Variants in IL4I1 observed in about 807,000 individuals in gnomAD.
IL4I1 encodes the protein L-amino-acid oxidase.
A neutral mutation model predicts 29.7 loss-of-function variants in IL4I1; 24 were observed. The observed-to-expected ratio is 0.81, with a 90% confidence interval of 0.59 to 1.14. The LOEUF (loss-of-function observed/expected upper bound fraction) is 1.14. Ranked by LOEUF, IL4I1 falls within the 50% of genes most tolerant of loss-of-function variation. The pLI, the probability that IL4I1 is intolerant of heterozygous loss-of-function variation, is 0.00. For missense variants in IL4I1, 686 were observed against 785.6 expected (o/e 0.87, Z 1.52); for synonymous variants, 371 against 352.5 (o/e 1.05, Z -0.59).
At position 49,921,789 on chromosome 19, in the gene IL4I1, G is replaced by C. The variant is rs1488296998; in HGVS notation, c.-228+5905C>G. On this transcript the variant is annotated intron_variant, in intron 2 of 9. Transcript: ENST00000341114. This position sits in a 1 kb window ranked among gnomAD's most constrained non-coding sequence, Gnocchi z 5.4. ...CCGACCATGACCATCCATCCTATGA[G>C]TGCTGGCTGGGCTCAAGCCCGGGTA... Among the ~76,000 whole-genome samples the C allele has an allele frequency of 6.6e-6, 1 of 152,192 alleles. No homozygotes were observed. The highest frequency in any genetic ancestry group is 2.4e-5 in the African/African-American group (1 of 41,444).
At position 49,891,490 on chromosome 19, in the gene IL4I1, A is replaced by G. The variant is rs1170474557; in HGVS notation, c.568-17T>C. On this transcript the variant is annotated splice_polypyrimidine_tract_variant and intron_variant, in intron 5 of 7. Coordinates refer to ENST00000391826, the MANE Select transcript of IL4I1 (RefSeq NM_152899.2). ...TTTGAGGGCCTGTTGTGGAAGAAGC[A>G]GACATGGTGCTGAGCTGCCCGGGCA... 6.2e-7 allele frequency: 1 copy of G among 1,613,478 alleles called. No individual in the cohort carries two copies. The highest frequency in any genetic ancestry group is 1.3e-5 in the African/African-American group (1 of 75,030).
intron 5 of IL4I1, among the ~76,000 whole-genome samples, chr19:49,893,097 T>C (rs1404678804): frequency 1.3e-5 from 2 of 151,762 alleles, no homozygotes; most frequent in Non-Finnish European, 2.9e-5. Context: ...GAAAAGAGCA[T>C]GAGGCTGGAG....
Position 49,889,792 on chromosome 19 carries a change from C to T in IL4I1, c.1582G>A (p.Gly528Arg), listed in dbSNP as rs746351774. The change falls in exon 8 of 8, where the codon GGG (glycine) becomes AGG (arginine). Residue 528 changes from glycine to arginine, a missense_variant. Physicochemically the swap from Gly to Arg is moderately radical, Grantham distance 125. Coordinates refer to ENST00000391826, the MANE Select transcript of IL4I1 (RefSeq NM_152899.2). ...CTGCTGGCCACCCCATGCACATGCC[C>T]CTGCCCCTCCATGTCAGATGCGTGC... ...EGHASDMEGQGHVHGVASSPS... is the reference protein window; with the variant it reads ...EGHASDMEGQRHVHGVASSPS... 3 of 1,540,860 alleles carry T rather than the reference C, an allele frequency of 1.9e-6. No homozygotes were observed. The highest frequency in any genetic ancestry group is 2.6e-6 in the Non-Finnish European group (3 of 1,143,638).
At chr19:49,926,465 G>A (rs1369829682) in intron 2 of IL4I1, among the ~76,000 whole-genome samples, 1 of 152,262 alleles carries the variant, frequency 6.6e-6, no homozygotes, top group Non-Finnish European at 1.5e-5. Context: ...GGGAAGTGGA[G>A]GTTGAAGTGA....
At chr19:49,901,593 C>T (rs1339929815), upstream of IL4I1, 9 of 1,342,942 alleles carry the variant, frequency 6.7e-6, no homozygotes, top group South Asian at 3.2e-5. Flanking sequence ...TGGAACCCTC[C>T]TTCCTGTTTC....
At chr19:49,911,935 C>T (rs1018585989) in intron 2 of IL4I1, among the ~76,000 whole-genome samples, 1 of 152,214 alleles carries the variant, frequency 6.6e-6, no homozygotes, top group African/African-American at 2.4e-5. Context: ...AACAAAAGTC[C>T]TCACTGCTGA....
At chr19:49,928,937 G>A (rs2075984416) in intron 1 of IL4I1, 1 of 152,538 alleles carries the variant, frequency 6.6e-6, no homozygotes, top group South Asian at 2.1e-4. Context: ...CCAGAGCTTA[G>A]AGTCAGGAGG....
rs539656065 is a variant in IL4I1, at chr19:49,894,434, T to C, written c.401A>G (p.Asn134Ser). 3.1e-6 allele frequency: 5 copies of C among 1,614,182 alleles called. No homozygotes were observed. Among genetic ancestry groups the C allele is most frequent in the East Asian group, 2.2e-5 (1 of 44,878 alleles). The change falls in exon 5 of 8, where the codon AAC becomes AGC. Residue 134 changes from asparagine to serine, a missense_variant. Coordinates refer to ENST00000391826, the MANE Select transcript of IL4I1 (RefSeq NM_152899.2). ...LHKLCQGLGL[N>S]LTKFTQYDKN... ...GTCGTACTGGGTGAACTTGGTCAGG[T>C]TGAGCCCCAGGCCCTGGCAGAGCTT...
intron 2 of IL4I1, chr19:49,907,248 C>G: frequency 3.4e-6 from 1 of 292,718 alleles, no homozygotes; most frequent in South Asian, 2.7e-5. Flanking sequence ...CTACGGGGAC[C>G]TGCAAGAAGG....
At chr19:49,925,687 G>T (rs1301148822) in intron 2 of IL4I1, among the ~76,000 whole-genome samples, 2 of 152,124 alleles carry the variant, frequency 1.3e-5, no homozygotes, top group Non-Finnish European at 2.9e-5. Context: ...GAGCAGAAAG[G>T]GCATTAAGTA....
chr19:49,904,504 A>G (rs2075298445), intron 2 of IL4I1, among the ~76,000 whole-genome samples: 1 of 152,158 alleles, frequency 6.6e-6, no homozygotes, highest in Non-Finnish European at 1.5e-5. Context: ...TGTTATTCAG[A>G]GTGGGGTGCT....
At chr19:49,911,180 G>A (rs2075452739) in intron 2 of IL4I1, 1 of 152,250 alleles carries the variant, frequency 6.6e-6, no homozygotes, top group African/African-American at 2.4e-5. Context: ...AGGACTACAG[G>A]CGTGAGCCCT....
intron 2 of IL4I1, among the ~76,000 whole-genome samples, chr19:49,925,746 T>C (rs932358206): frequency 9.2e-5 from 14 of 152,104 alleles, no homozygotes; most frequent in Non-Finnish European, 1.9e-4. Flanking sequence ...AGAATGGCAT[T>C]TGGTCAATGG....
upstream of IL4I1, among the ~76,000 whole-genome samples, chr19:49,901,187 G>T (rs142938661): frequency 4.3e-3 from 648 of 152,260 alleles, no homozygotes; most frequent in Middle Eastern, 0.01. Flanking sequence ...TTCGAGACCA[G>T]CCTGGCCAAC....
intron 2 of IL4I1, among the ~76,000 whole-genome samples, chr19:49,922,461 C>T (rs537345837): frequency 2.2e-4 from 34 of 152,066 alleles, no homozygotes; most frequent in African/African-American, 7.2e-4. Flanking sequence ...CGGGCTGTGT[C>T]GGAATGAAGC....
At chr19:49,914,982 T>G (rs1041960239) in intron 2 of IL4I1, among the ~76,000 whole-genome samples, 3 of 151,900 alleles carry the variant, frequency 2.0e-5, no homozygotes, top group African/African-American at 7.3e-5. Flanking sequence ...TCAGGTGATC[T>G]GCCCACCTTG....
intron 5 of IL4I1, among the ~76,000 whole-genome samples, chr19:49,893,761 G>A (rs537050708): frequency 1.7e-3 from 255 of 152,104 alleles, no homozygotes; most frequent in African/African-American, 5.9e-3. Flanking sequence ...GGCTGAGGCA[G>A]GTGGATCACG....
intron 2 of IL4I1, chr19:49,913,007 AAT>A (rs35565634): frequency 0.35 from 53,693 of 152,112 alleles, 10,088 homozygotes; most frequent in Middle Eastern, 0.46. Flanking sequence ...GCCAGAGTCA[AAT>A]GTCAGCTCTA....
chr19:49,918,895 T>TGGGGGGGGGGGG (rs56129490), intron 2 of IL4I1, among the ~76,000 whole-genome samples: 58 of 72,332 alleles, frequency 8.0e-4, no homozygotes, highest in Admixed American at 1.2e-3. Context: ...TTTGGGAGGC[T>TGGGGGGGGGGGG]GGGGGGGGGG....
Sources: gnomAD v4.1 joint callset for allele counts (sites outside exome capture counted in the v4.1 genomes callset) on GRCh38, gnomAD v4.1.1 for gene constraint, Gnocchi (gnomAD v3.1) non-coding constraint, MANE v1.5 for transcripts, NCBI Gene and HGNC (gene_info 2026-07-23, HGNC 2026-07-21) for gene names.